Variants in PAFAH2 observed in about 807,000 individuals in gnomAD.
PAFAH2 encodes the protein platelet activating factor acetylhydrolase 2, also known as platelet-activating factor acetylhydrolase 2, cytoplasmic.
Under a neutral mutation model 49.0 loss-of-function variants are expected in PAFAH2, and 42 were observed. The ratio of observed to expected loss-of-function variants is 0.86; its 90% CI spans 0.67 to 1.11. The LOEUF (loss-of-function observed/expected upper bound fraction) is 1.11. Ranked by LOEUF, PAFAH2 falls within the 50% of genes least tolerant of loss-of-function variation. The pLI is 0.00. For synonymous variants in PAFAH2, 184 were observed against 181.3 expected (o/e 1.01, Z -0.12); for missense variants, 503 against 501.8 (o/e 1.00, Z -0.02).
At position 25,960,671 on chromosome 1, in the gene PAFAH2, A is replaced by C. The variant is rs1168972880; in HGVS notation, c.*1318T>G. The C allele has an allele frequency of 6.5e-6, 1 of 152,692 alleles. No homozygotes were observed. The highest frequency in any genetic ancestry group is 1.9e-4 in the East Asian group (1 of 5,202). The allele number at this position is 152,692 out of a possible 1,614,324, so 9.5% of individuals were successfully genotyped here. A position where few individuals can be genotyped will look rare whatever the true frequency, so the allele number is the denominator to read the frequency against. ...AGGGCCTCAGAGCCAGAAAACAGAC[A>C]ATAAAAGCACCCTGATTCTGAGCAA... On this transcript the variant is annotated 3_prime_UTR_variant, in exon 11 of 11. Coordinates refer to ENST00000374282, the MANE Select transcript of PAFAH2 (RefSeq NM_000437.4).
chr1:25,989,444 T>G lies in PAFAH2; in HGVS notation c.244+4A>C, dbSNP rs886128080. The G allele has an allele frequency of 2.5e-6, 4 of 1,591,650 alleles. No homozygotes were observed. In the South Asian group the frequency reaches 3.4e-5, roughly 14 times the overall value. On this transcript the variant is annotated splice_donor_region_variant and intron_variant, in intron 3 of 10. Coordinates refer to ENST00000374282, the MANE Select transcript of PAFAH2 (RefSeq NM_000437.4). ...AAGCATGCAGAGGTCAGGCCAGCCC[T>G]TACCCACCGCCAGGTTGAACAGCAA...
chr1:25,985,828 T>C (rs1022736179), intron 4 of PAFAH2, among the ~76,000 whole-genome samples: 1 of 152,238 alleles, frequency 6.6e-6, no homozygotes. Flanking sequence ...ATGTTCCTGC[T>C]CCTCTAGCAG....
intron 10 of PAFAH2, among the ~76,000 whole-genome samples, chr1:25,966,514 T>C (rs2049425488): frequency 6.6e-6 from 1 of 152,000 alleles, no homozygotes; most frequent in Non-Finnish European, 1.5e-5. Context: ...AAACAGAAAG[T>C]CAAATACCGA....
intron 10 of PAFAH2, chr1:25,964,293 A>G (rs2049387501): frequency 6.6e-6 from 1 of 152,420 alleles, no homozygotes. Flanking sequence ...TAAGCTTTCC[A>G]TATTTTTAAA....
chr1:25,990,642 G>T, intron 2 of PAFAH2, 85 bp downstream of exon 2: 1 of 1,109,800 alleles, frequency 9.0e-7, no homozygotes, highest in Non-Finnish European at 1.4e-6. Flanking sequence ...CCCACCGTGG[G>T]AATACAGGAT....
chr1:25,980,611 T>TTATATA (rs1553136351), intron 7 of PAFAH2, among the ~76,000 whole-genome samples: 78 of 74,218 alleles, frequency 1.1e-3, no homozygotes, highest in African/African-American at 2.4e-3. Flanking sequence ...TGGGCCATAT[T>TTATATA]TATATATATA....
rs1013810574 is a variant in PAFAH2 at position 25,960,489 on chromosome 1, G to A, written c.*1500C>T. 3.3e-5 allele frequency: 5 copies of A among 152,620 alleles called. No homozygotes were observed. The highest frequency in any genetic ancestry group is 1.2e-4 in the African/African-American group (5 of 41,448). The allele number at this position is 152,620 out of a possible 1,614,324, so 9.5% of individuals were successfully genotyped here. On this transcript the variant is annotated 3_prime_UTR_variant, in exon 11 of 11. Transcript: ENST00000374282. Reference sequence around the variant, plus strand: ...AGTAAGCGAACACAGAAGAAAGACAGAAGGAAGTCAATTCCAGATGGCTCT... The same window carrying A: ...AGTAAGCGAACACAGAAGAAAGACAAAAGGAAGTCAATTCCAGATGGCTCT...
chr1:25,989,645 G>C (rs781026566), intron 2 of PAFAH2, 44 bp from the exon 3 acceptor site: 3 of 1,404,536 alleles, frequency 2.1e-6, no homozygotes, highest in Admixed American at 3.1e-5. Context: ...AGGAGCCCAG[G>C]CTAGATTTCC....
Position 25,972,479 on chromosome 1 carries a change from C to T in PAFAH2, c.1084+79G>A, listed in dbSNP as rs2049522998. ...ATAAATCTCCTTCCCAGATCCCAGA[C>T]ATGTCAGAGTTCTCACTCTGCTGCA... is the stretch of plus-strand genomic sequence containing the variant. On this transcript the variant is annotated intron_variant, in intron 10 of 10. Transcript: ENST00000374282. 3.5e-6 allele frequency: 5 copies of T among 1,443,846 alleles called. No individual in the cohort carries two copies. The East Asian group carries it at 9.2e-5, about 26-fold the overall frequency. 89.4% of individuals were successfully genotyped at this position (1,443,846 alleles called of 1,614,324 possible).
At chr1:25,971,671 A>C (rs1471179938) in intron 10 of PAFAH2, among the ~76,000 whole-genome samples, 1 of 152,060 alleles carries the variant, frequency 6.6e-6, no homozygotes, top group Non-Finnish European at 1.5e-5. Flanking sequence ...GTCCAGGTGC[A>C]CTCTCATAAA....
chr1:25,977,050 T>G (rs1443551270), intron 7 of PAFAH2, among the ~76,000 whole-genome samples: 1 of 128,122 alleles, frequency 7.8e-6, no homozygotes, highest in Admixed American at 9.4e-5. Context: ...TGAGACGGAG[T>G]CTCGCTCTGT....
intron 9 of PAFAH2, among the ~76,000 whole-genome samples, chr1:25,973,693 G>A (rs1042463985): frequency 4.6e-5 from 7 of 152,294 alleles, no homozygotes; most frequent in African/African-American, 7.2e-5. Flanking sequence ...CCATACTGCC[G>A]GCCCCAGTGC....
At chr1:25,968,263 G>A (rs1301349356) in intron 10 of PAFAH2, among the ~76,000 whole-genome samples, 2 of 152,096 alleles carry the variant, frequency 1.3e-5, no homozygotes, top group Non-Finnish European at 2.9e-5. Context: ...GTGTTGGGGG[G>A]TTGGCCTTAA....
chr1:25,989,830 G>T (rs1343403029), intron 2 of PAFAH2, among the ~76,000 whole-genome samples: 1 of 152,198 alleles, frequency 6.6e-6, no homozygotes, highest in African/African-American at 2.4e-5. Context: ...ACTGTATTTT[G>T]AATTACATTG....
intron 1 of PAFAH2, among the ~76,000 whole-genome samples, chr1:25,991,426 C>T (rs1236867287): frequency 6.6e-6 from 1 of 151,882 alleles, no homozygotes; most frequent in Non-Finnish European, 1.5e-5. Flanking sequence ...ATTACAGGCA[C>T]GTGCCACCAT....
chr1:25,980,592 C>T (rs10902715), intron 7 of PAFAH2, among the ~76,000 whole-genome samples: 80,050 of 147,180 alleles, frequency 0.54, 24,505 homozygotes, highest in East Asian at 0.7. Context: ...CAGGCGTGAG[C>T]CACCGCACTG....
chr1:25,997,767 A>C (rs936619177), intron 1 of PAFAH2: 3 of 152,506 alleles, frequency 2.0e-5, no homozygotes, highest in African/African-American at 7.2e-5. Context: ...GTGGGGTCCA[A>C]GGTGGGGCTG....
At chr1:25,972,853 C>A in intron 9 of PAFAH2, 141 bp from the exon 10 acceptor site, 3 of 837,472 alleles carry the variant, frequency 3.6e-6, no homozygotes, top group Non-Finnish European at 5.7e-6. Context: ...AAGTATTTTC[C>A]CCCTTGACAG....
chr1:25,972,488 G>A, intron 10 of PAFAH2, 70 bp downstream of exon 10: 2 of 1,514,602 alleles, frequency 1.3e-6, no homozygotes, highest in African/African-American at 1.4e-5. Context: ...ACATGTCAGA[G>A]TTCTCACTCT....
Sources: gnomAD v4.1 joint callset for allele counts (sites outside exome capture counted in the v4.1 genomes callset) on GRCh38, gnomAD v4.1.1 for gene constraint, MANE v1.5 for transcripts, NCBI Gene and HGNC (gene_info 2026-07-23, HGNC 2026-07-21) for gene names.